The following CTXN3 variants were observed in gnomAD, a reference collection of about 807,000 sequenced individuals.
CTXN3 encodes the protein cortexin 3.
A neutral mutation model predicts 5.0 loss-of-function variants in CTXN3; 4 were observed. That is an observed-to-expected ratio of 0.79 (90% CI 0.39 to 1.82). CTXN3 has a LOEUF of 1.82. CTXN3 is among the 40% of genes most tolerant of loss of function. CTXN3 has a pLI of 0.04. For missense variants in CTXN3, 89 were observed against 99.7 expected, an observed-to-expected ratio of 0.89 and a Z score of 0.46; for synonymous variants, 48 against 38.6, an observed-to-expected ratio of 1.24 and a Z score of -0.91.
chr5:127,655,335 C>T (rs539147186), intron 2 of CTXN3, among the ~76,000 whole-genome samples: 1 of 152,272 alleles, frequency 6.6e-6, no homozygotes, highest in African/African-American at 2.4e-5. Context: ...AAGAACAGGA[C>T]TCTGGCCTCA....
Position 127,658,463 on chromosome 5 carries a change from C to T in CTXN3, c.*696C>T, listed in dbSNP as rs1331690233. 1 of 167,034 alleles carries T rather than the reference C, an allele frequency of 6.0e-6. No individual in the cohort carries two copies. The highest frequency in any genetic ancestry group is 1.5e-5 in the Non-Finnish European group (1 of 68,114). 10.3% of individuals were successfully genotyped at this position (167,034 alleles called of 1,614,324 possible). On this transcript the variant is annotated 3_prime_UTR_variant, in exon 3 of 3. Coordinates refer to ENST00000379445, the MANE Select transcript of CTXN3 (RefSeq NM_001048252.3). ...CATGTGTAGAGGTAGCTATACATTA[C>T]TTGAATTTACACTTTACACAAATGA...
In CTXN3 at chr5:127,656,675, GCTCC is replaced by G. The variant is rs1749915388; in HGVS notation, c.-99-745_-99-742del. 2.0e-5 allele frequency among the ~76,000 whole-genome samples: 3 copies of G among 152,308 alleles called. No homozygotes were observed. In the South Asian group the frequency reaches 6.2e-4, roughly 32 times the overall value. ...TAGAAAGGAAAGGAGAAGCAGCATAGCTCCCTTAGTTGTGTCTTAGGTGAAGCAA... is the reference window on the plus strand; with the variant it reads ...TAGAAAGGAAAGGAGAAGCAGCATAGCTTAGTTGTGTCTTAGGTGAAGCAA... On this transcript the variant is annotated intron_variant, in intron 2 of 2. Transcript: ENST00000379445.
At position 127,649,389 on chromosome 5, in the gene CTXN3, G is replaced by A. The variant is rs1047333981; in HGVS notation, c.-207+1G>A. 1 of 152,148 alleles carries A rather than the reference G, an allele frequency of 6.6e-6. No homozygotes were observed. Among genetic ancestry groups the A allele is most frequent in the Non-Finnish European group, 1.5e-5 (1 of 68,020 alleles). The allele number at this position is 152,148 out of a possible 1,614,324, so 9.4% of individuals were successfully genotyped here. A position where few individuals can be genotyped will look rare whatever the true frequency, so the allele number is the denominator to read the frequency against. On this transcript the variant is annotated splice_donor_variant, in intron 1 of 2. Transcript: ENST00000379445. LOFTEE classifies it low-confidence loss of function (5UTR_SPLICE). The stretch of plus-strand genomic sequence containing the variant: ...CAAGTGTTTGTTCAGCCAGAGCCAG[G>A]TACTTGACCCAACCTGTATCTTTGA...
At chr5:127,649,696 G>GAAA (rs1749743867) in intron 1 of CTXN3, among the ~76,000 whole-genome samples, 5 of 150,180 alleles carry the variant, frequency 3.3e-5, no homozygotes, top group Admixed American at 6.7e-5. Context: ...AAAGCTGTTT[G>GAAA]CCCATTATCG....
intron 1 of CTXN3, among the ~76,000 whole-genome samples, chr5:127,652,676 C>A (rs1749809730): frequency 1.3e-5 from 2 of 151,694 alleles, no homozygotes; most frequent in South Asian, 4.2e-4. Context: ...CCCCTCCTCT[C>A]CACAGATGGA....
At chr5:127,651,177 G>C (rs1203050183) in intron 1 of CTXN3, among the ~76,000 whole-genome samples, 1 of 152,132 alleles carries the variant, frequency 6.6e-6, no homozygotes, top group Non-Finnish European at 1.5e-5. Context: ...ATCTTTGCAG[G>C]ATAAAGTGTC....
At chr5:127,657,373 A>G (rs1749932651) in intron 2 of CTXN3, 50 bp from the exon 3 acceptor site, 1 of 828,830 alleles carries the variant, frequency 1.2e-6, no homozygotes, top group Non-Finnish European at 1.8e-6. Context: ...ACCTAAAAAA[A>G]TAAGGCTGCT....
rs371191456 is a variant in CTXN3, at chr5:127,649,842, A to G, written c.-207+454A>G. ...TGTCCCTGGCTGATAAGCTGTGTGC[A>G]GCACTATCCTTTTGAGATATCAGCA... On this transcript the variant is annotated intron_variant, in intron 1 of 2. Coordinates refer to ENST00000379445, the MANE Select transcript of CTXN3 (RefSeq NM_001048252.3). Among the ~76,000 whole-genome samples, 24 of 152,294 alleles carry G rather than the reference A, an allele frequency of 1.6e-4. No individual in the cohort carries two copies. The South Asian group carries it at 2.9e-3, about 18-fold the overall frequency.
At chr5:127,656,284 G>A (rs1456485014) in intron 2 of CTXN3, among the ~76,000 whole-genome samples, 4 of 151,902 alleles carry the variant, frequency 2.6e-5, no homozygotes, top group Non-Finnish European at 5.9e-5. Context: ...AGCTTTTAAC[G>A]ACCTCTGTGT....
At chr5:127,649,859 A>G (rs1273386278) in intron 1 of CTXN3, among the ~76,000 whole-genome samples, 1 of 152,160 alleles carries the variant, frequency 6.6e-6, no homozygotes, top group Non-Finnish European at 1.5e-5. Flanking sequence ...TCCTTTTGAG[A>G]TATCAGCAAG....
At chr5:127,654,641 G>C (rs1472802396) in intron 2 of CTXN3, among the ~76,000 whole-genome samples, 1 of 152,178 alleles carries the variant, frequency 6.6e-6, no homozygotes, top group Non-Finnish European at 1.5e-5. Flanking sequence ...GTGAAGCCTA[G>C]AAAGTATGAG....
chr5:127,649,205 TG>T lies in CTXN3; in HGVS notation c.-387del, dbSNP rs1749736100. 6.6e-6 allele frequency: 1 copy of T among 152,202 alleles called. No individual in the cohort carries two copies. Among genetic ancestry groups the T allele is most frequent in the Non-Finnish European group, 1.5e-5 (1 of 68,042 alleles). 9.4% of individuals were successfully genotyped at this position (152,202 alleles called of 1,614,324 possible). A position where few individuals can be genotyped will look rare whatever the true frequency, so the allele number is the denominator to read the frequency against. On this transcript the variant is annotated 5_prime_UTR_variant, in exon 1 of 3. It removes the in-frame stop codon of an upstream open reading frame in the 5' UTR. Coordinates refer to ENST00000379445, the MANE Select transcript of CTXN3 (RefSeq NM_001048252.3). ...ATGCTCCTTTAACTCGGGGTTTTAA[TG>T]GGAAGTTTCTAAGCCTGAAACAACA...
At chr5:127,649,965 AG>A (rs1358260243) in intron 1 of CTXN3, among the ~76,000 whole-genome samples, 1 of 152,134 alleles carries the variant, frequency 6.6e-6, no homozygotes, top group Non-Finnish European at 1.5e-5. Context: ...CAGTTCGTTA[AG>A]GGTGCCTTCT....
intron 2 of CTXN3, among the ~76,000 whole-genome samples, chr5:127,654,633 G>A (rs551394864): frequency 6.6e-6 from 1 of 152,204 alleles, no homozygotes; most frequent in African/African-American, 2.4e-5. Context: ...AGTTGTGGGT[G>A]AAGCCTAGAA....
chr5:127,649,586 T>C (rs1749741373), intron 1 of CTXN3, among the ~76,000 whole-genome samples, 198 bp downstream of exon 1: 1 of 152,234 alleles, frequency 6.6e-6, no homozygotes, highest in African/African-American at 2.4e-5. Flanking sequence ...GATGCCTTTA[T>C]TTTTAAAGCA....
At chr5:127,650,565 A>T (rs1749764457) in intron 1 of CTXN3, among the ~76,000 whole-genome samples, 1 of 152,200 alleles carries the variant, frequency 6.6e-6, no homozygotes, top group African/African-American at 2.4e-5. Context: ...AAGAGCCAGG[A>T]AATCTTTACC....
intron 2 of CTXN3, among the ~76,000 whole-genome samples, chr5:127,653,922 C>G (rs1195797672): frequency 6.6e-6 from 1 of 152,114 alleles, no homozygotes; most frequent in African/African-American, 2.4e-5. Flanking sequence ...CTCTACCCAC[C>G]ATCCCTCATC....
chr5:127,656,229 C>T (rs577376905), intron 2 of CTXN3, among the ~76,000 whole-genome samples: 1 of 152,122 alleles, frequency 6.6e-6, no homozygotes, highest in South Asian at 2.1e-4. Flanking sequence ...AATGTATATA[C>T]TTTTATTTAC....
rs2126744628 is a variant in CTXN3 at position 127,657,946 on chromosome 5, C to T, written c.*179C>T. The T allele has an allele frequency of 1.4e-6, 1 of 695,588 alleles. No homozygotes were observed. 43.1% of individuals were successfully genotyped at this position (695,588 alleles called of 1,614,324 possible). A position where few individuals can be genotyped will look rare whatever the true frequency, so the allele number is the denominator to read the frequency against. On this transcript the variant is annotated 3_prime_UTR_variant, in exon 3 of 3. Coordinates refer to ENST00000379445, the MANE Select transcript of CTXN3 (RefSeq NM_001048252.3). ...GACATTTGAGGATGTTGGAAATGGA[C>T]ACTTATATAACTAATCCAACATAAG... is the stretch of plus-strand genomic sequence containing the variant.
Sources: allele counts gnomAD v4.1 joint callset (sites outside exome capture counted in the v4.1 genomes callset), GRCh38; gene constraint gnomAD v4.1.1; transcripts MANE v1.5; gene names NCBI Gene and HGNC (gene_info 2026-07-23, HGNC 2026-07-21).